The following IKZF5 variants were observed in gnomAD, a reference collection of about 807,000 sequenced individuals.
IKZF5 encodes the protein zinc finger protein Pegasus.
In IKZF5, 4 loss-of-function variants were observed where a neutral mutation model predicts 30.7. The ratio of observed to expected loss-of-function variants is 0.13; its 90% CI spans 0.06 to 0.30. IKZF5 has a LOEUF of 0.30. Ranked by LOEUF, IKZF5 falls within the 10% of genes least tolerant of loss-of-function variation. The probability of loss-of-function intolerance (pLI) is 1.00; values close to 1 mark genes in which losing one functional copy is unlikely to be tolerated. For missense variants in IKZF5, 348 were observed against 525.5 expected (o/e 0.66, Z 3.30); for synonymous variants, 148 against 179.6 (o/e 0.82, Z 1.41).
At chr10:123,006,268 G>A (rs549513940) in intron 2 of IKZF5, among the ~76,000 whole-genome samples, 9 of 152,264 alleles carry the variant, frequency 5.9e-5, no homozygotes, top group Middle Eastern at 6.8e-3. Flanking sequence ...GCTAATTTCC[G>A]ATCTTCCTTG....
chr10:122,996,771 G>A (rs1292808474), intron 3 of IKZF5, among the ~76,000 whole-genome samples: 1 of 152,190 alleles, frequency 6.6e-6, no homozygotes, highest in African/African-American at 2.4e-5. Flanking sequence ...TTGAAGAAGT[G>A]AACAGGTGAG....
At chr10:123,001,920 T>C (rs1849600732) in intron 2 of IKZF5, among the ~76,000 whole-genome samples, 2 of 152,376 alleles carry the variant, frequency 1.3e-5, no homozygotes, top group South Asian at 2.1e-4. Flanking sequence ...AACTTCTTCT[T>C]TGACTTAACT....
chr10:123,008,630 G>A, intron 1 of IKZF5, 64 bp downstream of exon 1: 1 of 318,664 alleles, frequency 3.1e-6, no homozygotes, highest in East Asian at 7.4e-5. Flanking sequence ...GTCTCCGGCC[G>A]CTCCTTCTTA....
intron 2 of IKZF5, among the ~76,000 whole-genome samples, chr10:123,005,368 A>G (rs1490573994): frequency 2.0e-5 from 3 of 152,208 alleles, no homozygotes; most frequent in African/African-American, 7.2e-5. Flanking sequence ...CACAAGCTAT[A>G]ATTTTTTTAG....
chr10:123,004,389 G>A (rs533640674), intron 2 of IKZF5, among the ~76,000 whole-genome samples: 7 of 130,284 alleles, frequency 5.4e-5, no homozygotes, highest in South Asian at 4.5e-4. Flanking sequence ...AAAGCATAAC[G>A]TTGCTACAGT....
At position 122,996,009 on chromosome 10, in the gene IKZF5, T is replaced by C; in HGVS notation, c.301A>G (p.Ile101Val). 2.5e-6 allele frequency: 4 copies of C among 1,613,904 alleles called. No individual in the cohort carries two copies. The highest frequency in any genetic ancestry group is 1.6e-4 in the Middle Eastern group (1 of 6,062). Residue 101 changes from isoleucine (I) to valine (V), a missense_variant, in exon 4 of 5, where the codon ATC becomes GTC. Physicochemically the swap from Ile to Val is conservative, Grantham distance 29. Transcript: ENST00000368886. ...TTTCCATTACCTGTGTGGATTCTGA[T>C]GTGTTCAATAAGCCGGGCTGTTCCT... Reference protein sequence around the residue: ...SKGTARLIEHIRIHTGEKPHR... With the variant: ...SKGTARLIEHVRIHTGEKPHR...
At chr10:123,008,377 G>C (rs561337513) in intron 1 of IKZF5, among the ~76,000 whole-genome samples, 1 of 152,198 alleles carries the variant, frequency 6.6e-6, no homozygotes, top group South Asian at 2.1e-4. Context: ...GACGCCTCCC[G>C]CAGAACCACC....
At chr10:123,003,772 CTTAG>C (rs1849688965) in intron 2 of IKZF5, among the ~76,000 whole-genome samples, 1 of 152,198 alleles carries the variant, frequency 6.6e-6, no homozygotes, top group Non-Finnish European at 1.5e-5. Context: ...GCATCTGTTT[CTTAG>C]TTACAACGAA....
chr10:123,000,517 A>G (rs1313915478), intron 2 of IKZF5, among the ~76,000 whole-genome samples: 2 of 152,242 alleles, frequency 1.3e-5, no homozygotes, highest in Non-Finnish European at 2.9e-5. Flanking sequence ...CTGTGAATAA[A>G]GTTTCTATGA....
chr10:122,998,222 G>T, intron 3 of IKZF5: 1 of 284,518 alleles, frequency 3.5e-6, no homozygotes, highest in Non-Finnish European at 6.5e-6. Context: ...GGTTCTTTGT[G>T]TCTAATGGTA....
chr10:122,994,026 C>T lies in IKZF5; in HGVS notation c.1014G>A (p.Thr338=), dbSNP rs771174517. The T allele has an allele frequency of 2.0e-5, 33 of 1,613,900 alleles. No individual in the cohort carries two copies. The East Asian group carries it at 2.5e-4, about 12-fold the overall frequency. ...AGPSSEPSAH[T]STPSIGNSQP... is the part of the protein sequence containing the mutation. ...GGCTGTTTCCTATGCTGGGAGTGCTCGTGTGGGCACTTGGCTCACTGCTTG... is the reference window on the plus strand; with the variant it reads ...GGCTGTTTCCTATGCTGGGAGTGCTTGTGTGGGCACTTGGCTCACTGCTTG... Residue 338 remains threonine, a synonymous_variant, in exon 5 of 5, where the codon ACG becomes ACA. Coordinates refer to ENST00000368886, the MANE Select transcript of IKZF5 (RefSeq NM_001372123.1). This position sits in a 1 kb window ranked among gnomAD's most constrained non-coding sequence, Gnocchi z 5.6.
At chr10:122,996,786 G>A (rs1411688403) in intron 3 of IKZF5, among the ~76,000 whole-genome samples, 2 of 152,206 alleles carry the variant, frequency 1.3e-5, no homozygotes, top group Admixed American at 6.5e-5. Context: ...GGTGAGGAGG[G>A]AGGGGAATAA....
Position 122,998,618 on chromosome 10 carries a change from T to TC in IKZF5, c.7dup (p.Glu3GlyfsTer32). On this transcript the variant is annotated frameshift_variant, in exon 3 of 5. Coordinates refer to ENST00000368886, the MANE Select transcript of IKZF5 (RefSeq NM_001372123.1). LOFTEE classifies it high-confidence loss of function. Reference sequence around the variant, plus strand: ...GAAGTCCAAAGGCTCTGGTTTTTTTTCACCCATCTTTGCTTTTTTAACATT... The same window carrying TC: ...GAAGTCCAAAGGCTCTGGTTTTTTTTCCACCCATCTTTGCTTTTTTAACATT... 6.2e-7 allele frequency: 1 copy of TC among 1,611,844 alleles called. No homozygotes were observed. Among genetic ancestry groups the TC allele is most frequent in the Non-Finnish European group, 8.5e-7 (1 of 1,179,404 alleles).
intron 2 of IKZF5, among the ~76,000 whole-genome samples, chr10:123,000,956 T>G (rs1331719626): frequency 9.9e-6 from 1 of 100,882 alleles, no homozygotes; most frequent in Non-Finnish European, 2.4e-5. Flanking sequence ...TATTAGGATA[T>G]GTGCATCTTA....
chr10:122,996,182 A>T lies in IKZF5; in HGVS notation c.134-6T>A. On this transcript the variant is annotated splice_polypyrimidine_tract_variant and splice_region_variant and intron_variant, in intron 3 of 4. Transcript: ENST00000368886. ...TTGATCACCATCTGTTCCAGCTATA[A>T]ACAAAGTACCGCAAAAGAAATTATG... 1 of 1,609,844 alleles carries T rather than the reference A, an allele frequency of 6.2e-7. No individual in the cohort carries two copies. Among genetic ancestry groups the T allele is most frequent in the Non-Finnish European group, 8.5e-7 (1 of 1,178,216 alleles).
rs1301697319 is a variant in IKZF5, at chr10:122,991,113, AT to A, written c.*2666del. The A allele has an allele frequency of 6.6e-6, 1 of 152,036 alleles. No individual in the cohort carries two copies. The highest frequency in any genetic ancestry group is 1.5e-5 in the Non-Finnish European group (1 of 67,994). The allele number at this position is 152,036 out of a possible 1,614,324, so 9.4% of individuals were successfully genotyped here. On this transcript the variant is annotated 3_prime_UTR_variant, in exon 5 of 5. Transcript: ENST00000368886. ...ATATTTTGTAGAACTTGAAATGAGG[AT>A]TTTATCTCTGAGTATTTTTTGTAGT...
chr10:122,996,192 C>T lies in IKZF5; in HGVS notation c.134-16G>A, dbSNP rs760518054. 4.4e-6 allele frequency: 7 copies of T among 1,604,230 alleles called. No individual in the cohort carries two copies. The highest frequency in any genetic ancestry group is 1.3e-5 in the African/African-American group (1 of 74,714). On this transcript the variant is annotated splice_polypyrimidine_tract_variant and intron_variant, in intron 3 of 4. Coordinates refer to ENST00000368886, the MANE Select transcript of IKZF5 (RefSeq NM_001372123.1). ...TCTGTTCCAGCTATAAACAAAGTAC[C>T]GCAAAAGAAATTATGCATCTCAGAA...
Position 122,994,946 on chromosome 10 carries a change from G to A in IKZF5, c.317-223C>T, listed in dbSNP as rs1849307670. The A allele has an allele frequency of 5.5e-6, 3 of 541,756 alleles. No individual in the cohort carries two copies. The East Asian group carries it at 9.3e-5, about 17-fold the overall frequency. The allele number at this position is 541,756 out of a possible 1,614,324, so 33.6% of individuals were successfully genotyped here. On this transcript the variant is annotated intron_variant, in intron 4 of 4. Coordinates refer to ENST00000368886, the MANE Select transcript of IKZF5 (RefSeq NM_001372123.1). The surrounding 1 kb of genome is among the most constrained non-coding windows in gnomAD (Gnocchi z 5.6). ...ACAACCTGAAATATGCATTGATGTT[G>A]TATTAGTCAATACAGTATAAAAACT...
chr10:122,994,851 T>C lies in IKZF5; in HGVS notation c.317-128A>G, dbSNP rs1344960568. 1.3e-5 allele frequency: 9 copies of C among 712,702 alleles called. No homozygotes were observed. Among genetic ancestry groups the C allele is most frequent in the African/African-American group, 1.8e-5 (1 of 55,914 alleles). The allele number at this position is 712,702 out of a possible 1,614,324, so 44.1% of individuals were successfully genotyped here. A position where few individuals can be genotyped will look rare whatever the true frequency, so the allele number is the denominator to read the frequency against. On this transcript the variant is annotated intron_variant, in intron 4 of 4. Coordinates refer to ENST00000368886, the MANE Select transcript of IKZF5 (RefSeq NM_001372123.1). This position sits in a 1 kb window ranked among gnomAD's most constrained non-coding sequence, Gnocchi z 5.6. ...ATGCTTTCAGAAAGTCATATTTGCA[T>C]AGCATATGAGATTGTTAAAATTTGT... is the stretch of plus-strand genomic sequence containing the variant.
Sources: gnomAD v4.1 joint callset for allele counts (sites outside exome capture counted in the v4.1 genomes callset) on GRCh38, gnomAD v4.1.1 for gene constraint, Gnocchi (gnomAD v3.1) non-coding constraint, MANE v1.5 for transcripts, NCBI Gene and HGNC (gene_info 2026-07-23, HGNC 2026-07-21) for gene names.